Variants in TMEM221 observed in about 807,000 individuals in gnomAD.
The protein encoded by TMEM221 is transmembrane protein 221.
Under a neutral mutation model 10.2 loss-of-function variants are expected in TMEM221, and 11 were observed. The ratio of observed to expected loss-of-function variants is 1.08; its 90% CI spans 0.68 to 1.79. TMEM221 has a LOEUF of 1.79. Among genes scored for constraint, TMEM221 ranks in the 40% most tolerant of loss-of-function variants. The probability of loss-of-function intolerance (pLI) is 0.00; values close to 1 mark genes in which losing one functional copy is unlikely to be tolerated. For synonymous variants in TMEM221, 172 were observed against 199.8 expected (o/e 0.86, Z 1.18); for missense variants, 382 against 417.7 (o/e 0.91, Z 0.75).
At chr19:17,438,760 G>T (rs891307338) in intron 2 of TMEM221, among the ~76,000 whole-genome samples, 33 of 151,548 alleles carry the variant, frequency 2.2e-4, no homozygotes, top group Admixed American at 1.1e-3. Context: ...ACCATGCCTG[G>T]CTAATTTTGT....
rs28605805 is a variant in TMEM221, at chr19:17,436,813, C to G, written c.521G>C (p.Arg174Pro). The change falls in exon 3 of 3, where the codon CGG becomes CCG. Residue 174 changes from arginine to proline, a missense_variant. Transcript: ENST00000341130. ...LVAVLTHTLL[R>P]AARAARRGLH... is the part of the protein sequence containing the mutation. ...CCCACGGCGGGCAGCCCGGGCAGCCCGGAGGAGAGTGTGGGTCAGCACAGC... is the reference window on the plus strand; with the variant it reads ...CCCACGGCGGGCAGCCCGGGCAGCCGGGAGGAGAGTGTGGGTCAGCACAGC... The G allele has an allele frequency of 6.6e-7, 1 of 1,506,098 alleles. No homozygotes were observed. The highest frequency in any genetic ancestry group is 8.9e-7 in the Non-Finnish European group (1 of 1,129,436). 93.3% of individuals were successfully genotyped at this position (1,506,098 alleles called of 1,614,324 possible). A position where few individuals can be genotyped will look rare whatever the true frequency, so the allele number is the denominator to read the frequency against.
chr19:17,447,995 G>C (rs2074959024), intron 1 of TMEM221, 148 bp downstream of exon 1: 3 of 556,864 alleles, frequency 5.4e-6, no homozygotes, highest in Admixed American at 9.0e-5. Context: ...GAGGAAAGGA[G>C]GGAGGCAGAG....
chr19:17,443,517 G>T (rs2074940057), intron 2 of TMEM221, among the ~76,000 whole-genome samples: 1 of 151,564 alleles, frequency 6.6e-6, no homozygotes. Flanking sequence ...TAATGGTGGG[G>T]TGGGGGGGCG....
intron 2 of TMEM221, among the ~76,000 whole-genome samples, chr19:17,440,772 G>T (rs1388846612): frequency 6.6e-6 from 1 of 152,146 alleles, no homozygotes; most frequent in Non-Finnish European, 1.5e-5. Context: ...CTCTGCCTGG[G>T]GTGGGGGTGA....
chr19:17,436,654 C>T lies in TMEM221; in HGVS notation c.680G>A (p.Gly227Glu). Residue 227 changes from glycine (G) to glutamate (E), a missense_variant, in exon 3 of 3, where the codon GGG becomes GAG. Coordinates refer to ENST00000341130, the MANE Select transcript of TMEM221 (RefSeq NM_001190844.2). Reference protein sequence around the residue: ...RTPYSTCPEPGDPFGSMATAT... With the variant: ...RTPYSTCPEPEDPFGSMATAT... Reference sequence around the variant, plus strand: ...AGTGGCCATGGACCCAAAGGGGTCCCCAGGCTCTGGACAGGTTGAATAGGG... The same window carrying T: ...AGTGGCCATGGACCCAAAGGGGTCCTCAGGCTCTGGACAGGTTGAATAGGG... 1.3e-6 allele frequency: 2 copies of T among 1,536,022 alleles called. No individual in the cohort carries two copies. The highest frequency in any genetic ancestry group is 1.7e-6 in the Non-Finnish European group (2 of 1,146,822).
At chr19:17,443,978 C>G (rs2074941940) in intron 2 of TMEM221, among the ~76,000 whole-genome samples, 1 of 119,690 alleles carries the variant, frequency 8.4e-6, no homozygotes, top group South Asian at 2.3e-4. Flanking sequence ...TCTGGGGTAT[C>G]CTTTTTTTTT....
Position 17,436,456 on chromosome 19 carries a change from G to A in TMEM221, c.*2C>T. ...CCAGGTCTCTATTCCTCATCCCTGG[G>A]CTCACACCAGTGTGGAGTCCTTCCC... On this transcript the variant is annotated 3_prime_UTR_variant, in exon 3 of 3. Transcript: ENST00000341130. 2 of 1,506,324 alleles carry A rather than the reference G, an allele frequency of 1.3e-6. No individual in the cohort carries two copies. Among genetic ancestry groups the A allele is most frequent in the Non-Finnish European group, 8.9e-7 (1 of 1,126,746 alleles). 93.3% of individuals were successfully genotyped at this position (1,506,324 alleles called of 1,614,324 possible). A position where few individuals can be genotyped will look rare whatever the true frequency, so the allele number is the denominator to read the frequency against.
At chr19:17,440,394 T>A (rs1266245121) in intron 2 of TMEM221, among the ~76,000 whole-genome samples, 1 of 151,902 alleles carries the variant, frequency 6.6e-6, no homozygotes, top group Admixed American at 6.6e-5. Flanking sequence ...ACCCGGCTAA[T>A]TTTTGTATTT....
intron 1 of TMEM221, among the ~76,000 whole-genome samples, chr19:17,447,179 G>T (rs548925534): frequency 3.3e-5 from 5 of 150,146 alleles, no homozygotes; most frequent in Non-Finnish European, 7.4e-5. Context: ...CCGAGATAGC[G>T]CCACTGCACT....
At chr19:17,446,421 A>G (rs141393156) in intron 1 of TMEM221, among the ~76,000 whole-genome samples, 99 of 152,250 alleles carry the variant, frequency 6.5e-4, no homozygotes, top group Non-Finnish European at 1.2e-3. Context: ...GCTGTTATTG[A>G]TGATACAAAC....
intron 2 of TMEM221, among the ~76,000 whole-genome samples, chr19:17,444,232 C>G (rs576193176): frequency 6.6e-6 from 1 of 151,662 alleles, no homozygotes; most frequent in Non-Finnish European, 1.5e-5. Flanking sequence ...AGGCGCCCAC[C>G]ACCATGCCCG....
rs549194458 is a variant in TMEM221, at chr19:17,436,888, G to C, written c.446C>G (p.Thr149Arg). The C allele has an allele frequency of 2.1e-6, 3 of 1,435,178 alleles. No homozygotes were observed. The highest frequency in any genetic ancestry group is 3.0e-5 in the South Asian group (2 of 66,208). 88.9% of individuals were successfully genotyped at this position (1,435,178 alleles called of 1,614,324 possible). ...IYALLLFEIETGAAAASILGS... is the reference protein window; with the variant it reads ...IYALLLFEIERGAAAASILGS... ...GAGGATGGAAGCAGCTGCTGCGCCTGTCTCGATCTCGAAAAGTAGCAAGGC... is the reference window on the plus strand; with the variant it reads ...GAGGATGGAAGCAGCTGCTGCGCCTCTCTCGATCTCGAAAAGTAGCAAGGC... Residue 149 changes from threonine to arginine, a missense_variant, in exon 3 of 3, where the codon ACA becomes AGA. Coordinates refer to ENST00000341130, the MANE Select transcript of TMEM221 (RefSeq NM_001190844.2).
Position 17,436,252 on chromosome 19 carries a change from G to A in TMEM221, c.*206C>T, listed in dbSNP as rs571294193. 8.7e-5 allele frequency: 48 copies of A among 548,786 alleles called. No homozygotes were observed. Among genetic ancestry groups the A allele is most frequent in the African/African-American group, 1.3e-4 (7 of 52,674 alleles). The allele number at this position is 548,786 out of a possible 1,614,324, so 34.0% of individuals were successfully genotyped here. The stretch of plus-strand genomic sequence containing the variant: ...GACTTCCAGGAGACACCTAGCCAGC[G>A]CTGGCCTCTGACTTTCCCTCAGAAT... On this transcript the variant is annotated 3_prime_UTR_variant, in exon 3 of 3. Coordinates refer to ENST00000341130, the MANE Select transcript of TMEM221 (RefSeq NM_001190844.2).
At chr19:17,439,089 C>G (rs988028141) in intron 2 of TMEM221, among the ~76,000 whole-genome samples, 1 of 151,812 alleles carries the variant, frequency 6.6e-6, no homozygotes, top group Admixed American at 6.6e-5. Flanking sequence ...CGCCTGCAGT[C>G]CCAGCTATTC....
chr19:17,440,230 T>C (rs1160804746), intron 2 of TMEM221, among the ~76,000 whole-genome samples: 4 of 145,424 alleles, frequency 2.8e-5, no homozygotes, highest in Non-Finnish European at 4.6e-5. Context: ...GTATTTTTTT[T>C]TTTTTTTTTT....
At chr19:17,440,993 A>C (rs965051917) in intron 2 of TMEM221, among the ~76,000 whole-genome samples, 12 of 152,138 alleles carry the variant, frequency 7.9e-5, no homozygotes, top group African/African-American at 2.9e-4. Flanking sequence ...GGATCACTTG[A>C]GGCCAGGAGT....
At chr19:17,442,827 T>C (rs1476628032) in intron 2 of TMEM221, among the ~76,000 whole-genome samples, 17 of 151,866 alleles carry the variant, frequency 1.1e-4, no homozygotes, top group Admixed American at 1.1e-3. Context: ...GCACAAGTCA[T>C]CCATCCCTTC....
At position 17,436,096 on chromosome 19, in the gene TMEM221, T is replaced by A; in HGVS notation, c.*362A>T. ...TCACTGCCTAAGCCCCCCGCTCCCC[T>A]TATGCCTGTAACAGAATCTCATCCA... On this transcript the variant is annotated 3_prime_UTR_variant, in exon 3 of 3. Coordinates refer to ENST00000341130, the MANE Select transcript of TMEM221 (RefSeq NM_001190844.2). 1 of 191,034 alleles carries A rather than the reference T, an allele frequency of 5.2e-6. No individual in the cohort carries two copies. Among genetic ancestry groups the A allele is most frequent in the Non-Finnish European group, 1.1e-5 (1 of 93,946 alleles). The allele number at this position is 191,034 out of a possible 1,614,324, so 11.8% of individuals were successfully genotyped here. A position where few individuals can be genotyped will look rare whatever the true frequency, so the allele number is the denominator to read the frequency against.
Position 17,436,169 on chromosome 19 carries a change from T to G in TMEM221, c.*289A>C. The G allele has an allele frequency of 9.7e-6, 3 of 309,550 alleles. No individual in the cohort carries two copies. Among genetic ancestry groups the G allele is most frequent in the Non-Finnish European group, 1.8e-5 (3 of 169,036 alleles). The allele number at this position is 309,550 out of a possible 1,614,324, so 19.2% of individuals were successfully genotyped here. ...CCTCCCCTGCAGCAAGGTATGGCCATTTCGCTCTGTTCTGGCCAGTGGGAT... is the reference window on the plus strand; with the variant it reads ...CCTCCCCTGCAGCAAGGTATGGCCAGTTCGCTCTGTTCTGGCCAGTGGGAT... On this transcript the variant is annotated 3_prime_UTR_variant, in exon 3 of 3. Transcript: ENST00000341130.
Sources: allele counts gnomAD v4.1 joint callset (sites outside exome capture counted in the v4.1 genomes callset), GRCh38; gene constraint gnomAD v4.1.1; transcripts MANE v1.5; gene names NCBI Gene and HGNC (gene_info 2026-07-23, HGNC 2026-07-21).